SQOR: variants seen among roughly 807,000 people sequenced by gnomAD.
The protein encoded by SQOR is sulfide quinone oxidoreductase.
Under a neutral mutation model 48.6 loss-of-function variants are expected in SQOR, and 39 were observed. The ratio of observed to expected loss-of-function variants is 0.80; its 90% CI spans 0.62 to 1.05. The LOEUF is 1.05. Among genes scored for constraint, SQOR ranks in the 50% least tolerant of loss-of-function variants. The pLI is 0.00. For missense variants in SQOR, 561 were observed against 559.9 expected, an observed-to-expected ratio of 1.00 and a Z score of -0.02; for synonymous variants, 220 against 206.2, an observed-to-expected ratio of 1.07 and a Z score of -0.57.
At chr15:45,652,063 G>T (rs913399935) in intron 1 of SQOR, among the ~76,000 whole-genome samples, 5 of 151,726 alleles carry the variant, frequency 3.3e-5, no homozygotes, top group Admixed American at 2.6e-4. Context: ...TAGTAGACAG[G>T]GGGTTTTGAT....
chr15:45,660,216 G>A (rs914460253), intron 2 of SQOR, among the ~76,000 whole-genome samples: 1 of 152,160 alleles, frequency 6.6e-6, no homozygotes, highest in Non-Finnish European at 1.5e-5. Flanking sequence ...AATGGATCAG[G>A]TGCCTGTTTC....
chr15:45,666,464 A>C (rs1320279288), intron 3 of SQOR, among the ~76,000 whole-genome samples: 2 of 152,156 alleles, frequency 1.3e-5, no homozygotes, highest in Non-Finnish European at 1.5e-5. Flanking sequence ...CTGTTTCTTC[A>C]TTTGTAAAAT....
intron 6 of SQOR, among the ~76,000 whole-genome samples, chr15:45,680,919 T>C (rs747466028): frequency 6.6e-5 from 10 of 150,906 alleles, no homozygotes; most frequent in Non-Finnish European, 1.5e-4. Context: ...TTCAAAAACG[T>C]AGTTCTAGGT....
chr15:45,690,896 C>T (rs1210415400), intron 9 of SQOR, 77 bp from the exon 10 acceptor site: 46 of 1,280,058 alleles, frequency 3.6e-5, no homozygotes, highest in Admixed American at 1.7e-5. Context: ...AGCCTGGCTT[C>T]CCTTTCAGCA....
At chr15:45,632,993 C>T (rs1400234316), upstream of SQOR, among the ~76,000 whole-genome samples, 1 of 151,672 alleles carries the variant, frequency 6.6e-6, no homozygotes, top group Non-Finnish European at 1.5e-5. Flanking sequence ...CATGGTGGCA[C>T]ATGCCTGTGG....
intron 7 of SQOR, among the ~76,000 whole-genome samples, chr15:45,683,026 C>CAAAAAAAAAAAA (rs34072446): frequency 8.3e-6 from 1 of 119,890 alleles, no homozygotes; most frequent in African/African-American, 3.5e-5. Flanking sequence ...GGCTTCATCT[C>CAAAAAAAAAAAA]AAAAAAAAAA....
At chr15:45,631,790 C>T (rs141558449), upstream of SQOR, 2 of 152,386 alleles carry the variant, frequency 1.3e-5, no homozygotes, top group East Asian at 3.9e-4. Flanking sequence ...GTGTGTTCCT[C>T]TTAGTGCTAG....
At chr15:45,683,875 C>CATAT (rs112897464) in intron 7 of SQOR, among the ~76,000 whole-genome samples, 1 of 144,814 alleles carries the variant, frequency 6.9e-6, no homozygotes, top group African/African-American at 2.5e-5. Context: ...TGTGTGTGTA[C>CATAT]ATATATATAT....
intron 7 of SQOR, among the ~76,000 whole-genome samples, chr15:45,685,215 T>G (rs1021973146): frequency 2.6e-4 from 40 of 152,296 alleles, no homozygotes; most frequent in Non-Finnish European, 4.4e-4. Flanking sequence ...CTCTTCAATG[T>G]CCAAATTACA....
chr15:45,651,069 G>A (rs188166426), intron 1 of SQOR, among the ~76,000 whole-genome samples: 8 of 152,290 alleles, frequency 5.3e-5, no homozygotes, highest in South Asian at 2.1e-4. Context: ...AGGGGGCGGC[G>A]CCCATCAGGG....
chr15:45,655,597 T>C (rs1055374583), intron 1 of SQOR, among the ~76,000 whole-genome samples: 2 of 152,028 alleles, frequency 1.3e-5, no homozygotes, highest in Non-Finnish European at 2.9e-5. Context: ...AAAATAATTA[T>C]AATCATTAAA....
At chr15:45,646,536 A>G (rs2140940005) in intron 1 of SQOR, among the ~76,000 whole-genome samples, 1 of 152,350 alleles carries the variant, frequency 6.6e-6, no homozygotes, top group East Asian at 1.9e-4. Context: ...ATGTATGATT[A>G]TAAGTTGTGT....
chr15:45,690,609 C>T (rs62008317), intron 9 of SQOR, among the ~76,000 whole-genome samples: 29,872 of 152,038 alleles, frequency 0.2, 3,046 homozygotes, highest in Middle Eastern at 0.36. Flanking sequence ...CAGGTCAGCC[C>T]CCAACAGCAA....
chr15:45,644,682 A>AG (rs1445355368), intron 1 of SQOR, among the ~76,000 whole-genome samples: 1 of 152,122 alleles, frequency 6.6e-6, no homozygotes, highest in Non-Finnish European at 1.5e-5. Context: ...AGAAAAAGTG[A>AG]GGGGAAAGAA....
In SQOR at chr15:45,666,329, C is replaced by G. The variant is rs146798247; in HGVS notation, c.406-3599C>G. 7.7e-3 allele frequency among the ~76,000 whole-genome samples: 1,174 copies of G among 152,300 alleles called. 12 individuals carry two copies. Among genetic ancestry groups the G allele is most frequent in the African/African-American group, 0.027 (1,136 of 41,558 alleles). On this transcript the variant is annotated intron_variant, in intron 3 of 9. Coordinates refer to ENST00000260324, the MANE Select transcript of SQOR (RefSeq NM_021199.4). ...TCATTATCTGGTAATGCCTATCTCACTCACTAGATGGAGTTCCTGAAGGGC... is the reference window on the plus strand; with the variant it reads ...TCATTATCTGGTAATGCCTATCTCAGTCACTAGATGGAGTTCCTGAAGGGC...
At chr15:45,671,981 G>A (rs990142565) in intron 4 of SQOR, among the ~76,000 whole-genome samples, 1 of 152,142 alleles carries the variant, frequency 6.6e-6, no homozygotes, top group African/African-American at 2.4e-5. Context: ...AAGCAACTCT[G>A]ACTAGATGAG....
intron 3 of SQOR, among the ~76,000 whole-genome samples, chr15:45,668,281 T>C (rs1173963051): frequency 6.6e-6 from 1 of 152,192 alleles, no homozygotes; most frequent in Non-Finnish European, 1.5e-5. Flanking sequence ...AACATACAGA[T>C]GAAAATGCTT....
rs554405619 is a variant in SQOR at position 45,684,220 on chromosome 15, A to G, written c.1048+1559A>G. On this transcript the variant is annotated intron_variant, in intron 7 of 9. Transcript: ENST00000260324. ...GAGCCACCACGCCCAGCCTGTATTTATGTATATTTTCCTAAAAATGTCCTT... is the reference window on the plus strand; with the variant it reads ...GAGCCACCACGCCCAGCCTGTATTTGTGTATATTTTCCTAAAAATGTCCTT... 1.1e-4 allele frequency among the ~76,000 whole-genome samples: 16 copies of G among 152,172 alleles called. No individual in the cohort carries two copies. In the South Asian group the frequency reaches 3.1e-3, roughly 30 times the overall value.
At chr15:45,652,165 C>T (rs542128204) in intron 1 of SQOR, among the ~76,000 whole-genome samples, 8 of 152,036 alleles carry the variant, frequency 5.3e-5, no homozygotes, top group South Asian at 2.1e-4. Flanking sequence ...TGAGCCACCA[C>T]GTCCGGCCGG....
Sources: allele counts gnomAD v4.1 joint callset (sites outside exome capture counted in the v4.1 genomes callset), GRCh38; gene constraint gnomAD v4.1.1; transcripts MANE v1.5; gene names NCBI Gene and HGNC (gene_info 2026-07-23, HGNC 2026-07-21).